MCC: variants seen among roughly 807,000 people sequenced by gnomAD.
MCC encodes the protein MCC regulator of Wnt signaling pathway.
In MCC, 90 loss-of-function variants were observed where a neutral mutation model predicts 116.2. The ratio of observed to expected loss-of-function variants is 0.77; its 90% CI spans 0.65 to 0.92. The LOEUF is 0.92. Among genes scored for constraint, MCC ranks in the 40% least tolerant of loss-of-function variants. The probability of loss-of-function intolerance (pLI) is 0.00; values close to 1 mark genes in which losing one functional copy is unlikely to be tolerated. For synonymous variants in MCC, 578 were observed against 510.5 expected (o/e 1.13, Z -1.78); for missense variants, 1,516 against 1,312.2 (o/e 1.16, Z -2.40).
intron 3 of MCC, among the ~76,000 whole-genome samples, chr5:113,331,694 G>C (rs1767701489): frequency 6.6e-6 from 1 of 151,356 alleles, no homozygotes; most frequent in Non-Finnish European, 1.5e-5. Flanking sequence ...GGAGTACAGT[G>C]GTGCCATCTT....
intron 3 of MCC, among the ~76,000 whole-genome samples, chr5:113,185,694 C>G (rs1260752976): frequency 6.6e-6 from 1 of 152,198 alleles, no homozygotes; most frequent in African/African-American, 2.4e-5. Context: ...TCTCTTGAGT[C>G]ATTGCCATCC....
intron 1 of MCC, among the ~76,000 whole-genome samples, chr5:113,457,385 A>G (rs1291199887): frequency 6.6e-6 from 1 of 152,196 alleles, no homozygotes. Flanking sequence ...CTTCCCGCGG[A>G]GCAGGCCTCG....
chr5:113,240,731 T>C (rs1312999520), intron 3 of MCC, among the ~76,000 whole-genome samples: 1 of 152,170 alleles, frequency 6.6e-6, no homozygotes, highest in Non-Finnish European at 1.5e-5. Context: ...GCCATTTAAA[T>C]CACCCAGTTA....
At chr5:113,241,730 T>G (rs976327752) in intron 3 of MCC, among the ~76,000 whole-genome samples, 1 of 152,242 alleles carries the variant, frequency 6.6e-6, no homozygotes, top group African/African-American at 2.4e-5. Context: ...GCATGTAATC[T>G]GAGCCAGGGG....
In MCC at chr5:113,461,745, A is replaced by T. The variant is rs1355821984; in HGVS notation, c.170+26500T>A. Reference sequence around the variant, plus strand: ...TTAAGGATGAACAACTTGCACCAGTAAAAAAAAAAAAAAAAAAAAAAAATT... The same window carrying T: ...TTAAGGATGAACAACTTGCACCAGTTAAAAAAAAAAAAAAAAAAAAAAATT... On this transcript the variant is annotated intron_variant, in intron 1 of 18. Transcript: ENST00000408903. Among the ~76,000 whole-genome samples, 7 of 11,072 alleles carry T rather than the reference A, an allele frequency of 6.3e-4. No homozygotes were observed. In the East Asian group the frequency reaches 0.032, roughly 51 times the overall value. The allele number at this position is 11,072 out of a possible 152,430, so 7.3% of individuals were successfully genotyped here.
intron 6 of MCC, among the ~76,000 whole-genome samples, chr5:113,118,820 C>G (rs1228481888): frequency 6.6e-6 from 1 of 152,212 alleles, no homozygotes; most frequent in Non-Finnish European, 1.5e-5. Flanking sequence ...ACTGACGGCA[C>G]TGTGTGAGCA....
chr5:113,204,943 C>T (rs766092472), intron 3 of MCC, among the ~76,000 whole-genome samples: 1 of 152,192 alleles, frequency 6.6e-6, no homozygotes, highest in African/African-American at 2.4e-5. Flanking sequence ...TGGAACCCTG[C>T]AGTAACTCCC....
Position 113,053,874 on chromosome 5 carries a change from T to G in MCC, c.2299A>C (p.Lys767Gln), listed in dbSNP as rs1182787530. The G allele has an allele frequency of 1.2e-6, 2 of 1,614,174 alleles. No homozygotes were observed. Among genetic ancestry groups the G allele is most frequent in the Non-Finnish European group, 8.5e-7 (1 of 1,180,012 alleles). Residue 767 changes from lysine to glutamine, a missense_variant, in exon 15 of 19, where the codon AAG (lysine) becomes CAG (glutamine). Coordinates refer to ENST00000408903, the MANE Select transcript of MCC (RefSeq NM_001085377.2). ...QRLKDYIQQLKNDRAAVKLTM... is the reference protein window; with the variant it reads ...QRLKDYIQQLQNDRAAVKLTM... ...AGCTTGACCGCAGCCCTGTCATTCT[T>G]GAGCTGCTGGATATAATCCTTCAGC... is the stretch of plus-strand genomic sequence containing the variant.
At chr5:113,076,304 G>A (rs1457203990) in intron 11 of MCC, among the ~76,000 whole-genome samples, 3 of 152,140 alleles carry the variant, frequency 2.0e-5, no homozygotes, top group Non-Finnish European at 4.4e-5. Context: ...AGGAAATACA[G>A]AGAACACCAC....
chr5:113,402,154 C>T (rs963972898), intron 1 of MCC, among the ~76,000 whole-genome samples: 3 of 151,992 alleles, frequency 2.0e-5, no homozygotes, highest in East Asian at 3.9e-4. Context: ...ATTAGCCCGA[C>T]GTAGTGGCAG....
At chr5:113,074,634 C>T (rs1171996127) in intron 11 of MCC, among the ~76,000 whole-genome samples, 1 of 152,168 alleles carries the variant, frequency 6.6e-6, no homozygotes, top group Non-Finnish European at 1.5e-5. Flanking sequence ...AAGCTAAAAA[C>T]CTTGAAAAAA....
chr5:113,321,486 A>C (rs1030770901), intron 3 of MCC, among the ~76,000 whole-genome samples: 44 of 152,290 alleles, frequency 2.9e-4, no homozygotes, highest in African/African-American at 1.0e-3. Context: ...AAATGCATAA[A>C]CCAGGCAAGT....
intron 3 of MCC, among the ~76,000 whole-genome samples, chr5:113,252,099 C>T (rs1350102764): frequency 3.9e-5 from 6 of 152,182 alleles, no homozygotes; most frequent in Admixed American, 6.5e-5. Flanking sequence ...TTATCCCTGA[C>T]GTCCTGCCAA....
intron 10 of MCC, among the ~76,000 whole-genome samples, 164 bp from the exon 11 acceptor site, chr5:113,083,172 T>A (rs1365161779): frequency 6.6e-6 from 1 of 151,750 alleles, no homozygotes; most frequent in Non-Finnish European, 1.5e-5. Flanking sequence ...TATGAAAAGC[T>A]AACTATTAAA....
intron 3 of MCC, among the ~76,000 whole-genome samples, chr5:113,239,564 G>A (rs76429504): frequency 4.7e-4 from 71 of 152,290 alleles, no homozygotes; most frequent in African/African-American, 1.7e-3. Flanking sequence ...TGATGCCAGA[G>A]AAGAGGATGT....
chr5:113,105,079 T>C (rs1194695885), intron 6 of MCC, among the ~76,000 whole-genome samples: 2 of 152,226 alleles, frequency 1.3e-5, no homozygotes, highest in African/African-American at 2.4e-5. Flanking sequence ...GAAGACAATT[T>C]TGTTGGGAAG....
intron 3 of MCC, among the ~76,000 whole-genome samples, chr5:113,293,906 G>T (rs1680364987): frequency 6.6e-6 from 1 of 152,094 alleles, no homozygotes; most frequent in African/African-American, 2.4e-5. Flanking sequence ...ATAATCCAAT[G>T]CGTCCCCCTC....
At chr5:113,360,029 G>C (rs1234444838) in intron 2 of MCC, among the ~76,000 whole-genome samples, 1 of 152,050 alleles carries the variant, frequency 6.6e-6, no homozygotes, top group Non-Finnish European at 1.5e-5. Flanking sequence ...GTCATAAATG[G>C]GAGACTGTGA....
At chr5:113,455,927 C>T (rs902816598) in intron 1 of MCC, among the ~76,000 whole-genome samples, 2 of 152,068 alleles carry the variant, frequency 1.3e-5, no homozygotes, top group African/African-American at 2.4e-5. Context: ...AAGAGAGGTG[C>T]CACAGAAAGG....
Sources: gnomAD v4.1 joint callset for allele counts (sites outside exome capture counted in the v4.1 genomes callset) on GRCh38, gnomAD v4.1.1 for gene constraint, MANE v1.5 for transcripts, NCBI Gene and HGNC (gene_info 2026-07-23, HGNC 2026-07-21) for gene names.